The following AGBL4 variants were observed in gnomAD, a reference collection of about 807,000 sequenced individuals.
AGBL4 encodes cytosolic carboxypeptidase 6.
AGBL4 carries 58 observed loss-of-function variants against 66.4 expected under a neutral mutation model. The observed-to-expected ratio is 0.87, with a 90% CI of 0.71 to 1.09. The LOEUF (loss-of-function observed/expected upper bound fraction) is 1.09, where lower values mean the gene tolerates loss of function less well. Among genes scored for constraint, AGBL4 ranks in the 50% least tolerant of loss-of-function variants. The pLI, the probability that AGBL4 is intolerant of heterozygous loss-of-function variation, is 0.00. For missense variants in AGBL4, 579 were observed against 631.0 expected (o/e 0.92, Z 0.88); for synonymous variants, 234 against 222.9 (o/e 1.05, Z -0.44).
At chr1:49,904,027 T>C (rs544801643) in intron 1 of AGBL4, among the ~76,000 whole-genome samples, 24 of 152,152 alleles carry the variant, frequency 1.6e-4, no homozygotes, top group African/African-American at 5.3e-4. Flanking sequence ...TAAGGAAATA[T>C]GTATTAAATT....
intron 9 of AGBL4, among the ~76,000 whole-genome samples, chr1:48,593,676 A>G (rs1644950962): frequency 6.6e-6 from 1 of 152,150 alleles, no homozygotes; most frequent in African/African-American, 2.4e-5. Flanking sequence ...GCTTGAACCC[A>G]GGAGGTGGAG....
intron 9 of AGBL4, among the ~76,000 whole-genome samples, chr1:48,594,480 C>A (rs1007375168): frequency 2.2e-4 from 34 of 151,992 alleles, no homozygotes; most frequent in Admixed American, 2.2e-3. Context: ...TAGAAATTAA[C>A]CTTTATGTGT....
At chr1:49,694,336 C>G (rs974608177) in intron 3 of AGBL4, among the ~76,000 whole-genome samples, 5 of 152,086 alleles carry the variant, frequency 3.3e-5, no homozygotes, top group Admixed American at 2.0e-4. Context: ...ACCATGAAAA[C>G]AAACATCCTG....
intron 1 of AGBL4, among the ~76,000 whole-genome samples, chr1:49,856,025 CAAAT>C (rs1646424090): frequency 9.0e-6 from 1 of 111,078 alleles, no homozygotes; most frequent in African/African-American, 3.7e-5. Flanking sequence ...AGAGAAGACT[CAAAT>C]AAATAAAATC....
chr1:49,093,610 G>A (rs994007242), intron 4 of AGBL4, among the ~76,000 whole-genome samples: 8 of 152,116 alleles, frequency 5.3e-5, no homozygotes, highest in African/African-American at 1.9e-4. Flanking sequence ...GTGATTCTGT[G>A]ACTAGATGAC....
intron 2 of AGBL4, among the ~76,000 whole-genome samples, chr1:49,708,757 T>G (rs1242479806): frequency 6.6e-6 from 1 of 152,176 alleles, no homozygotes; most frequent in Non-Finnish European, 1.5e-5. Context: ...TCCTTTATGC[T>G]GATGTTGATG....
chr1:49,779,407 A>C (rs1203095179), intron 2 of AGBL4, among the ~76,000 whole-genome samples: 1 of 152,196 alleles, frequency 6.6e-6, no homozygotes, highest in Non-Finnish European at 1.5e-5. Flanking sequence ...CACCAACGGT[A>C]AGGTGGTAAC....
At chr1:49,874,569 T>C (rs1646926860) in intron 1 of AGBL4, among the ~76,000 whole-genome samples, 1 of 152,086 alleles carries the variant, frequency 6.6e-6, no homozygotes, top group Non-Finnish European at 1.5e-5. Flanking sequence ...GTATAAATAT[T>C]GAAAAAAGTA....
chr1:49,712,358 G>A (rs1030162673), intron 2 of AGBL4, among the ~76,000 whole-genome samples: 4 of 151,660 alleles, frequency 2.6e-5, no homozygotes, highest in Non-Finnish European at 5.9e-5. Context: ...GAAAAATACT[G>A]CATGATCTCA....
chr1:49,949,079 C>T (rs1444611584), intron 1 of AGBL4, among the ~76,000 whole-genome samples: 1 of 151,248 alleles, frequency 6.6e-6, no homozygotes, highest in African/African-American at 2.4e-5. Flanking sequence ...CAGACAAAAA[C>T]ATAAAGTGGG....
chr1:49,054,998 G>A (rs72895665), intron 4 of AGBL4, among the ~76,000 whole-genome samples: 9,081 of 151,990 alleles, frequency 0.06, 772 homozygotes, highest in African/African-American at 0.2. Flanking sequence ...CTTGCAAACA[G>A]GAAGATACGA....
At chr1:49,354,394 T>C (rs1305909993) in intron 3 of AGBL4, among the ~76,000 whole-genome samples, 1 of 152,254 alleles carries the variant, frequency 6.6e-6, no homozygotes, top group African/African-American at 2.4e-5. Flanking sequence ...CATGTCATTA[T>C]ACTCTCCAGC....
chr1:48,587,254 G>C lies in AGBL4; in HGVS notation c.1105-88C>G, dbSNP rs930527657. ...AATTTTACAACACCTCTGGGTCTCAGCTTCACTGTCTGAAGAGTGGGATAT... is the reference window on the plus strand; with the variant it reads ...AATTTTACAACACCTCTGGGTCTCACCTTCACTGTCTGAAGAGTGGGATAT... On this transcript the variant is annotated intron_variant, in intron 10 of 13. Transcript: ENST00000371839. 2.8e-5 allele frequency: 38 copies of C among 1,336,004 alleles called. No individual in the cohort carries two copies. The African/African-American group carries it at 5.3e-4, about 19-fold the overall frequency. The allele number at this position is 1,336,004 out of a possible 1,614,324, so 82.8% of individuals were successfully genotyped here.
intron 2 of AGBL4, among the ~76,000 whole-genome samples, chr1:49,760,307 C>T (rs1406561155): frequency 6.6e-6 from 1 of 152,114 alleles, no homozygotes; most frequent in African/African-American, 2.4e-5. Flanking sequence ...TAATTAGATG[C>T]CATTTGTAAA....
chr1:49,772,477 T>C (rs1358242543), intron 2 of AGBL4, among the ~76,000 whole-genome samples: 5 of 152,160 alleles, frequency 3.3e-5, no homozygotes, highest in Non-Finnish European at 1.5e-5. Context: ...ACTTTTCACA[T>C]GCTTTCATGA....
chr1:48,628,800 T>C (rs1279297586), intron 9 of AGBL4, among the ~76,000 whole-genome samples: 1 of 151,604 alleles, frequency 6.6e-6, no homozygotes, highest in Non-Finnish European at 1.5e-5. Flanking sequence ...TGCAGATTTC[T>C]CAAAAAAGCT....
intron 6 of AGBL4, among the ~76,000 whole-genome samples, chr1:48,834,489 G>A (rs903554014): frequency 6.6e-6 from 1 of 152,088 alleles, no homozygotes; most frequent in African/African-American, 2.4e-5. Context: ...GCCTTTGGGA[G>A]GTCTTTAGGT....
intron 9 of AGBL4, among the ~76,000 whole-genome samples, chr1:48,624,729 T>C (rs1368661327): frequency 2.6e-5 from 4 of 152,202 alleles, no homozygotes; most frequent in Non-Finnish European, 5.9e-5. Context: ...GGGTTCACTG[T>C]GGAACAAAGT....
intron 5 of AGBL4, among the ~76,000 whole-genome samples, chr1:48,900,708 A>G (rs3127567): frequency 0.33 from 50,574 of 152,100 alleles, 8,879 homozygotes; most frequent in East Asian, 0.71. Context: ...TTTGATCCAT[A>G]CCTCACACCA....
Sources: allele counts gnomAD v4.1 joint callset (sites outside exome capture counted in the v4.1 genomes callset), GRCh38; gene constraint gnomAD v4.1.1; transcripts MANE v1.5; gene names NCBI Gene and HGNC (gene_info 2026-07-23, HGNC 2026-07-21).